Variants in CFAP52 observed in about 807,000 individuals in gnomAD.
The protein encoded by CFAP52 is cilia and flagella associated protein 52, also known as cilia- and flagella-associated protein 52.
A neutral mutation model predicts 70.5 loss-of-function variants in CFAP52; 57 were observed. The observed-to-expected ratio is 0.81, with a 90% CI of 0.65 to 1.01. The LOEUF (loss-of-function observed/expected upper bound fraction) is 1.01. CFAP52 is among the 50% of genes least tolerant of loss of function. CFAP52 has a pLI of 0.00. For synonymous variants in CFAP52, 267 were observed against 292.5 expected (o/e 0.91, Z 0.89); for missense variants, 785 against 788.5 (o/e 1.00, Z 0.05).
At chr17:9,614,157 C>CTTTTTTTTTT (rs11347755) in intron 8 of CFAP52, among the ~76,000 whole-genome samples, 1 of 93,984 alleles carries the variant, frequency 1.1e-5, no homozygotes, top group Non-Finnish European at 2.2e-5. Flanking sequence ...TTCTTTCTTT[C>CTTTTTTTTTT]TTTTTTTTTT....
intron 11 of CFAP52, 69 bp from the exon 12 acceptor site, chr17:9,638,540 C>A: frequency 2.0e-6 from 3 of 1,481,610 alleles, no homozygotes; most frequent in Non-Finnish European, 2.8e-6. Flanking sequence ...CCAAATCCAG[C>A]TTGAATAGTG....
At chr17:9,585,745 A>G (rs1908435637) in intron 1 of CFAP52, 28 bp from the exon 2 acceptor site, 5 of 1,610,994 alleles carry the variant, frequency 3.1e-6, no homozygotes, top group East Asian at 2.2e-5. Context: ...GCACCTGATT[A>G]TTATTACTGT....
intron 8 of CFAP52, among the ~76,000 whole-genome samples, chr17:9,627,157 G>A (rs552437007): frequency 1.3e-5 from 2 of 151,160 alleles, no homozygotes; most frequent in South Asian, 2.1e-4. Context: ...AGGGTTTTGG[G>A]TTATCTGCAA....
intron 7 of CFAP52, among the ~76,000 whole-genome samples, chr17:9,610,650 T>C (rs1332900346): frequency 6.6e-6 from 1 of 152,158 alleles, no homozygotes; most frequent in Non-Finnish European, 1.5e-5. Context: ...TTCTCCTGCC[T>C]CAGGCTCCCG....
chr17:9,605,942 C>G (rs1433426212), intron 6 of CFAP52, among the ~76,000 whole-genome samples: 1 of 152,090 alleles, frequency 6.6e-6, no homozygotes, highest in African/African-American at 2.4e-5. Context: ...TATTAGCTGT[C>G]ATACATCTAC....
chr17:9,608,072 A>G (rs760223918), intron 6 of CFAP52, 47 bp from the exon 7 acceptor site: 5 of 1,521,950 alleles, frequency 3.3e-6, no homozygotes, highest in Non-Finnish European at 4.5e-6. Flanking sequence ...TTTAGTGGTG[A>G]TTTGTGAGAT....
intron 1 of CFAP52, among the ~76,000 whole-genome samples, chr17:9,580,599 G>C (rs1326081256): frequency 1.3e-5 from 2 of 151,720 alleles, no homozygotes; most frequent in East Asian, 3.9e-4. Context: ...TGAGGTGGGA[G>C]GATCACCTGA....
At chr17:9,580,318 TAAAAA>T (rs11386649) in intron 1 of CFAP52, among the ~76,000 whole-genome samples, 1 of 134,760 alleles carries the variant, frequency 7.4e-6, no homozygotes, top group Non-Finnish European at 1.6e-5. Context: ...GGACCTTTCT[TAAAAA>T]AAAAAAAAAA....
downstream of CFAP52, among the ~76,000 whole-genome samples, chr17:9,643,686 CCTGCTCAAAAGGTTATTGTGAGAATTA>C: frequency 6.6e-6 from 1 of 152,290 alleles, no homozygotes; most frequent in Non-Finnish European, 1.5e-5. Context: ...AGAGTAAGTT[CCTGCTCAAAAGGTTATTGTGAGAATTA>C]AGTGACTAAT....
At chr17:9,592,465 G>A (rs370851417) in intron 3 of CFAP52, among the ~76,000 whole-genome samples, 14 of 151,986 alleles carry the variant, frequency 9.2e-5, no homozygotes, top group East Asian at 1.9e-4. Flanking sequence ...GCAAAACTCC[G>A]TCTCAAAAAA....
chr17:9,583,982 C>T (rs1314642150), intron 1 of CFAP52, among the ~76,000 whole-genome samples: 2 of 152,188 alleles, frequency 1.3e-5, no homozygotes, highest in Admixed American at 1.3e-4. Context: ...CAAAGACCAC[C>T]TCACCGAGTT....
In CFAP52 at chr17:9,612,390, G is replaced by A. The variant is rs146057434; in HGVS notation, c.936G>A (p.Ser312=). 7.1e-4 allele frequency: 1,144 copies of A among 1,614,162 alleles called. No homozygotes were observed. The highest frequency in any genetic ancestry group is 9.2e-4 in the Non-Finnish European group (1,087 of 1,180,036). The change falls in exon 8 of 14, where the codon TCG becomes TCA. Residue 312 remains serine (S), a synonymous_variant. Coordinates refer to ENST00000352665, the MANE Select transcript of CFAP52 (RefSeq NM_145054.5). ...AGTTTCTCGTAGGAACAGAAGAATCGCACATTTATCGTGTCAGCTTCACGG... is the reference window on the plus strand; with the variant it reads ...AGTTTCTCGTAGGAACAGAAGAATCACACATTTATCGTGTCAGCTTCACGG... ...GHQFLVGTEE[S]HIYRVSFTDF... is the part of the protein sequence containing the mutation.
Position 9,605,726 on chromosome 17 carries a change from A to G in CFAP52, c.754-2393A>G, listed in dbSNP as rs1289093042. ...AAAAAAAAAAAAAAAAAAAAAAATC[A>G]GTGCTTGCCATGGGTTAGCAGGGAG... On this transcript the variant is annotated intron_variant, in intron 6 of 13. Coordinates refer to ENST00000352665, the MANE Select transcript of CFAP52 (RefSeq NM_145054.5). Among the ~76,000 whole-genome samples the G allele has an allele frequency of 2.9e-5, 4 of 139,486 alleles. No individual in the cohort carries two copies. The Admixed American group carries it at 3.0e-4, about 11-fold the overall frequency. 91.5% of individuals were successfully genotyped at this position (139,486 alleles called of 152,430 possible).
At chr17:9,597,985 G>A (rs899199286) in intron 4 of CFAP52, among the ~76,000 whole-genome samples, 6 of 152,160 alleles carry the variant, frequency 3.9e-5, no homozygotes, top group African/African-American at 1.4e-4. Context: ...ACTTCAGAGT[G>A]AGACGGAGCC....
chr17:9,578,594 GTT>G (rs1327650116), intron 1 of CFAP52, among the ~76,000 whole-genome samples: 5 of 152,140 alleles, frequency 3.3e-5, no homozygotes, highest in Non-Finnish European at 5.9e-5. Context: ...GTCTCGCTCT[GTT>G]GTGTAATGGC....
At chr17:9,585,703 T>C in intron 1 of CFAP52, 70 bp from the exon 2 acceptor site, 1 of 1,465,458 alleles carries the variant, frequency 6.8e-7, no homozygotes, top group Non-Finnish European at 9.5e-7. Flanking sequence ...TGTTGTGTTT[T>C]GTACTCAAGT....
chr17:9,599,476 G>T (rs1307377547), intron 5 of CFAP52, among the ~76,000 whole-genome samples: 1 of 152,160 alleles, frequency 6.6e-6, no homozygotes. Context: ...TTCTGAACTG[G>T]CAGAGGATGC....
At chr17:9,598,651 C>G in intron 5 of CFAP52, 1 of 165,352 alleles carries the variant, frequency 6.0e-6, no homozygotes. Context: ...ATCCCAGCTA[C>G]TTGGGAGGTT....
In CFAP52 at chr17:9,631,096, G is replaced by GAA. The variant is rs60601081; in HGVS notation, c.1175-1791_1175-1790insAA. ...AAAGAAAGAAAGAGAAAGAAAGAAA[G>GAA]AGAAAGAAAGAACATAAGTCAGAAT... On this transcript the variant is annotated intron_variant, in intron 9 of 13. Transcript: ENST00000352665. 2.0e-3 allele frequency among the ~76,000 whole-genome samples: 287 copies of GAA among 146,556 alleles called. 11 individuals are homozygous for GAA. The highest frequency in any genetic ancestry group is 6.5e-3 in the African/African-American group (255 of 38,934).
Sources: allele counts gnomAD v4.1 joint callset (sites outside exome capture counted in the v4.1 genomes callset), GRCh38; gene constraint gnomAD v4.1.1; transcripts MANE v1.5; gene names NCBI Gene and HGNC (gene_info 2026-07-23, HGNC 2026-07-21).